Variants in GAB3 observed in about 807,000 individuals in gnomAD.
GAB3 encodes GRB2-associated-binding protein 3.
A neutral mutation model predicts 40.4 loss-of-function variants in GAB3; 12 were observed. The ratio of observed to expected loss-of-function variants is 0.30; its 90% CI spans 0.19 to 0.48. GAB3 has a LOEUF of 0.48. Among genes scored for constraint, GAB3 ranks in the 20% least tolerant of loss-of-function variants. The pLI, the probability that GAB3 is intolerant of heterozygous loss-of-function variation, is 0.99. For synonymous variants in GAB3, 154 were observed against 176.7 expected (o/e 0.87, Z 1.02); for missense variants, 381 against 461.9 (o/e 0.82, Z 1.61).
At chrX:154,739,685 G>A (rs1224641010) in intron 1 of GAB3, among the ~76,000 whole-genome samples, 1 of 111,966 alleles carries the variant, frequency 8.9e-6, no homozygotes, top group East Asian at 2.8e-4. Flanking sequence ...AGGGTAAATA[G>A]GGTGGATGAA....
intron 8 of GAB3, among the ~76,000 whole-genome samples, chrX:154,693,336 G>GA (rs2070601509): frequency 9.0e-6 from 1 of 111,705 alleles, no homozygotes; most frequent in Non-Finnish European, 1.9e-5. Context: ...CTAAAAACTT[G>GA]AAAAAAATCC....
chrX:154,740,955 C>T (rs781858076), intron 1 of GAB3, among the ~76,000 whole-genome samples: 115 of 111,732 alleles, frequency 1.0e-3, no homozygotes, highest in Non-Finnish European at 1.7e-3. Context: ...AATGCATCCA[C>T]GGAGATATGG....
intron 1 of GAB3, among the ~76,000 whole-genome samples, chrX:154,750,362 T>C (rs1603428705): frequency 8.9e-6 from 1 of 112,397 alleles, no homozygotes; most frequent in African/African-American, 3.2e-5. Flanking sequence ...TAAAAGTCAG[T>C]TGTCCAGCTG....
chrX:154,744,083 G>A (rs782514776), intron 1 of GAB3, among the ~76,000 whole-genome samples: 69 of 108,246 alleles, frequency 6.4e-4, no homozygotes, highest in African/African-American at 2.0e-3. Flanking sequence ...ATGTGGTGGC[G>A]CGTGCCTGTA....
At chrX:154,746,107 A>C (rs1603428416) in intron 1 of GAB3, among the ~76,000 whole-genome samples, 1 of 110,751 alleles carries the variant, frequency 9.0e-6, no homozygotes, top group Non-Finnish European at 1.9e-5. Context: ...TAGCCTTCCC[A>C]AAAAGAAAAG....
At chrX:154,707,794 CA>C (rs1358111731) in intron 4 of GAB3, among the ~76,000 whole-genome samples, 1 of 111,545 alleles carries the variant, frequency 9.0e-6, no homozygotes, top group Admixed American at 9.5e-5. Flanking sequence ...TAATTATATG[CA>C]AAGAAAAGAC....
Position 154,750,999 on chromosome X carries a change from G to C in GAB3, c.27C>G (p.Thr9=). 2.4e-6 allele frequency: 2 copies of C among 826,315 alleles called. No individual in the cohort carries two copies. The highest frequency in any genetic ancestry group is 3.0e-6 in the Non-Finnish European group (2 of 677,569). 68.1% of individuals were successfully genotyped at this position (826,315 alleles called of 1,213,427 possible). Residue 9 remains threonine, a synonymous_variant, in exon 1 of 10, where the codon ACC becomes ACG. Coordinates refer to ENST00000424127, the MANE Select transcript of GAB3 (RefSeq NM_001081573.3). The part of the protein sequence containing the change: MSAGDAVC[T]GWLVKSPPER... The stretch of plus-strand genomic sequence containing the variant: ...CGGGGGGCGACTTAACGAGCCAGCC[G>C]GTGCACACTGCGTCGCCCGCACTCA...
intron 1 of GAB3, among the ~76,000 whole-genome samples, chrX:154,749,458 C>A (rs782295684): frequency 3.6e-5 from 4 of 112,490 alleles, no homozygotes; most frequent in Non-Finnish European, 7.5e-5. Flanking sequence ...AAAGCCTCAC[C>A]TGCTCATGCA....
At chrX:154,721,880 C>T (rs1413923201) in intron 1 of GAB3, among the ~76,000 whole-genome samples, 1 of 111,372 alleles carries the variant, frequency 9.0e-6, no homozygotes, top group African/African-American at 3.3e-5. Flanking sequence ...GAAATTAGAC[C>T]TACCACATGA....
At chrX:154,721,809 G>A (rs2071137021) in intron 1 of GAB3, among the ~76,000 whole-genome samples, 1 of 111,877 alleles carries the variant, frequency 8.9e-6, no homozygotes, top group African/African-American at 3.3e-5. Flanking sequence ...GTATACTGTT[G>A]GTGGGAATGT....
At chrX:154,715,307 G>T (rs1486214334) in intron 2 of GAB3, among the ~76,000 whole-genome samples, 7 of 111,711 alleles carry the variant, frequency 6.3e-5, no homozygotes, top group African/African-American at 1.6e-4. Context: ...TTGCAATAAT[G>T]TCAGGGGCTC....
intron 6 of GAB3, among the ~76,000 whole-genome samples, chrX:154,698,393 G>A (rs187299963): frequency 2.9e-4 from 32 of 112,119 alleles, no homozygotes; most frequent in Admixed American, 1.5e-3. Flanking sequence ...CATATGCAGC[G>A]CATGCATTGT....
In GAB3 at chrX:154,676,949, A is replaced by T. The variant is rs1847168014; in HGVS notation, c.*1229T>A. ...AAGGAAGGGGTGACATGACGCCTTCATTATAAAGTGGGAGTGTTTGTACTC... is the reference window on the plus strand; with the variant it reads ...AAGGAAGGGGTGACATGACGCCTTCTTTATAAAGTGGGAGTGTTTGTACTC... On this transcript the variant is annotated 3_prime_UTR_variant, in exon 10 of 10. Transcript: ENST00000424127. The T allele has an allele frequency of 8.9e-6, 1 of 111,734 alleles. No homozygotes were observed. The highest frequency in any genetic ancestry group is 1.9e-5 in the Non-Finnish European group (1 of 53,111). 9.2% of individuals were successfully genotyped at this position (111,734 alleles called of 1,213,427 possible).
chrX:154,708,255 C>G (rs2070846321), intron 4 of GAB3, among the ~76,000 whole-genome samples: 1 of 112,016 alleles, frequency 8.9e-6, no homozygotes, highest in South Asian at 3.7e-4. Context: ...AATCTAAAAT[C>G]TAAAACCATT....
rs2070301479 is a variant in GAB3, at chrX:154,676,614, G to T, written c.*1564C>A. 8.9e-6 allele frequency: 1 copy of T among 112,101 alleles called. No individual in the cohort carries two copies. The highest frequency in any genetic ancestry group is 3.2e-5 in the African/African-American group (1 of 30,815). The allele number at this position is 112,101 out of a possible 1,213,427, so 9.2% of individuals were successfully genotyped here. ...CTTTGAAAATCAAAACGGCTTCTTTGAAAATCAAAATGACTTCTTGTATGG... is the reference window on the plus strand; with the variant it reads ...CTTTGAAAATCAAAACGGCTTCTTTTAAAATCAAAATGACTTCTTGTATGG... On this transcript the variant is annotated 3_prime_UTR_variant, in exon 10 of 10. Coordinates refer to ENST00000424127, the MANE Select transcript of GAB3 (RefSeq NM_001081573.3).
chrX:154,686,403 C>A (rs1268808694), intron 8 of GAB3, among the ~76,000 whole-genome samples: 6 of 99,530 alleles, frequency 6.0e-5, no homozygotes, highest in African/African-American at 2.2e-4. Flanking sequence ...AGTTCAAGAC[C>A]AGCCTGGGCA....
chrX:154,712,043 C>T (rs1223360776), intron 4 of GAB3, among the ~76,000 whole-genome samples, 186 bp downstream of exon 4: 1 of 112,448 alleles, frequency 8.9e-6, no homozygotes, highest in Non-Finnish European at 1.9e-5. Flanking sequence ...CCAGCCTGAA[C>T]AAGGGACAAG....
intron 2 of GAB3, among the ~76,000 whole-genome samples, chrX:154,714,631 G>A (rs1603426289): frequency 8.9e-6 from 1 of 112,324 alleles, no homozygotes; most frequent in Non-Finnish European, 1.9e-5. Context: ...ACTTCATGCC[G>A]GGACAGGCTC....
At chrX:154,740,809 T>C (rs932973735) in intron 1 of GAB3, among the ~76,000 whole-genome samples, 29 of 112,305 alleles carry the variant, frequency 2.6e-4, no homozygotes, top group African/African-American at 8.4e-4. Flanking sequence ...GCTGAAGGAA[T>C]TCACTGTTCA....
Sources: gnomAD v4.1 joint callset for allele counts (sites outside exome capture counted in the v4.1 genomes callset) on GRCh38, gnomAD v4.1.1 for gene constraint, MANE v1.5 for transcripts, NCBI Gene and HGNC (gene_info 2026-07-23, HGNC 2026-07-21) for gene names.